STRN4: variants seen among roughly 807,000 people sequenced by gnomAD.
The protein encoded by STRN4 is striatin 4, also known as striatin-4.
A neutral mutation model predicts 77.9 loss-of-function variants in STRN4; 27 were observed. The observed-to-expected ratio is 0.35, with a 90% CI of 0.26 to 0.48. STRN4 has a LOEUF of 0.48. STRN4 is among the 20% of genes least tolerant of loss of function. STRN4 has a pLI of 0.99. For synonymous variants in STRN4, 466 were observed against 443.1 expected (o/e 1.05, Z -0.65); for missense variants, 798 against 1,049.7 (o/e 0.76, Z 3.31).
intron 17 of STRN4, 39 bp downstream of exon 17, chr19:46,720,497 G>T: frequency 7.5e-7 from 1 of 1,328,736 alleles, no homozygotes; most frequent in Non-Finnish European, 9.9e-7. Context: ...ACTAGGCATG[G>T]GCGTGCAGAG....
chr19:46,744,597 C>G (rs767072637), intron 1 of STRN4, among the ~76,000 whole-genome samples: 2 of 152,092 alleles, frequency 1.3e-5, no homozygotes, highest in Non-Finnish European at 2.9e-5. Context: ...GTTGGCCAGG[C>G]TGGCCTCGAA....
intron 1 of STRN4, among the ~76,000 whole-genome samples, chr19:46,744,649 T>G (rs1393949075): frequency 6.6e-6 from 1 of 152,034 alleles, no homozygotes; most frequent in East Asian, 1.9e-4. Context: ...CCTCCCCAAG[T>G]GTTGGGATTA....
intron 4 of STRN4, 63 bp downstream of exon 4, chr19:46,736,760 T>C: frequency 6.5e-7 from 1 of 1,533,218 alleles, no homozygotes; most frequent in Non-Finnish European, 9.0e-7. Flanking sequence ...GTGGAGTCTT[T>C]GGACTTATCT....
At position 46,738,884 on chromosome 19, in the gene STRN4, T is replaced by C. The variant is rs762195413; in HGVS notation, c.287A>G (p.Gln96Arg). Residue 96 changes from glutamine (Q) to arginine (R), a missense_variant, in exon 2 of 18, where the codon CAG becomes CGG. By Grantham distance (43) the Gln-to-Arg change is conservative. Transcript: ENST00000263280. This position sits in a 1 kb window ranked among gnomAD's most constrained non-coding sequence, Gnocchi z 4.5. ...WEAERAELQA[Q>R]VAFLQGERKG... ...CCTCTCTCCCTGAAGGAAGGCCACC[T>C]GAGCCTGGGAGGGCAGACAGGAGGC... 8 of 1,613,778 alleles carry C rather than the reference T, an allele frequency of 5.0e-6. No homozygotes were observed. Among genetic ancestry groups the C allele is most frequent in the Admixed American group, 3.3e-5 (2 of 60,006 alleles).
chr19:46,722,907 A>G lies in STRN4; in HGVS notation c.1809T>C (p.Pro603=), dbSNP rs778795242. 5 of 1,613,894 alleles carry G rather than the reference A, an allele frequency of 3.1e-6. No individual in the cohort carries two copies. Among genetic ancestry groups the G allele is most frequent in the Admixed American group, 3.3e-5 (2 of 60,014 alleles). Reference sequence around the variant, plus strand: ...AGCGGAAGGAGGCCACGATGTGGGCAGGCTCGGTGCTGGTGAAGGCCACTG... The same window carrying G: ...AGCGGAAGGAGGCCACGATGTGGGCGGGCTCGGTGCTGGTGAAGGCCACTG... ...PTSVAFTSTE[P]AHIVASFRSG... Residue 603 remains proline (P), a synonymous_variant, in exon 14 of 18, where the codon CCT becomes CCC. Coordinates refer to ENST00000263280, the MANE Select transcript of STRN4 (RefSeq NM_013403.3).
chr19:46,737,522 T>C (rs992413875), intron 3 of STRN4, among the ~76,000 whole-genome samples: 1 of 152,074 alleles, frequency 6.6e-6, no homozygotes, highest in Middle Eastern at 3.4e-3. Context: ...TCGGCCAAGC[T>C]TCCCCCTCAC....
At chr19:46,735,529 G>A (rs1329881345) in intron 4 of STRN4, among the ~76,000 whole-genome samples, 8 of 152,038 alleles carry the variant, frequency 5.3e-5, no homozygotes, top group Admixed American at 3.9e-4. Flanking sequence ...CACAGCCACG[G>A]AAGAAACTGA....
Position 46,730,787 on chromosome 19 carries a change from T to C in STRN4, c.824A>G (p.Asp275Gly). Reference protein sequence around the residue: ...IPFLQNCEDEDSDEDDELDSV... With the variant: ...IPFLQNCEDEGSDEDDELDSV... Reference sequence around the variant, plus strand: ...GTCCAGCTCATCGTCCTCGTCGCTGTCTTCGTCCTCGCAGTTCTGCAGGAA... The same window carrying C: ...GTCCAGCTCATCGTCCTCGTCGCTGCCTTCGTCCTCGCAGTTCTGCAGGAA... Residue 275 changes from aspartate (D) to glycine (G), a missense_variant, in exon 6 of 18, where the codon GAC (aspartate) becomes GGC (glycine). Physicochemically the swap from Asp to Gly is moderately conservative, Grantham distance 94. Coordinates refer to ENST00000263280, the MANE Select transcript of STRN4 (RefSeq NM_013403.3). The C allele has an allele frequency of 6.2e-7, 1 of 1,613,048 alleles. No individual in the cohort carries two copies. Among genetic ancestry groups the C allele is most frequent in the Non-Finnish European group, 8.5e-7 (1 of 1,180,010 alleles).
chr19:46,746,035 C>T, intron 1 of STRN4, 114 bp downstream of exon 1: 1 of 1,223,180 alleles, frequency 8.2e-7, no homozygotes, highest in Non-Finnish European at 1.0e-6. Flanking sequence ...CCTCCCGCCC[C>T]CCCGCCGGCC....
chr19:46,736,608 G>A (rs1389354624), intron 4 of STRN4, among the ~76,000 whole-genome samples: 3 of 148,992 alleles, frequency 2.0e-5, no homozygotes, highest in African/African-American at 2.5e-5. Flanking sequence ...ATTCCAACAG[G>A]GGTGTCCCCA....
intron 8 of STRN4, 122 bp downstream of exon 8, chr19:46,727,772 G>A (rs2054154169): frequency 3.2e-6 from 3 of 932,932 alleles, no homozygotes; most frequent in South Asian, 3.4e-5. Context: ...TTTTGGGGCA[G>A]GGAGGCTGCA....
At position 46,720,377 on chromosome 19, in the gene STRN4, C is replaced by G. The variant is rs1599852518; in HGVS notation, c.*67-39G>C. The stretch of plus-strand genomic sequence containing the variant: ...AAGGGAGGGGAGACTGAGCCGCCGC[C>G]TCTAGGGCGCCTCTAAGGCCTCAAC... On this transcript the variant is annotated intron_variant, in intron 17 of 17. Transcript: ENST00000263280. 2.2e-5 allele frequency: 10 copies of G among 450,790 alleles called. No individual in the cohort carries two copies. In the East Asian group the frequency reaches 3.6e-4, roughly 16 times the overall value. 27.9% of individuals were successfully genotyped at this position (450,790 alleles called of 1,614,324 possible). A position where few individuals can be genotyped will look rare whatever the true frequency, so the allele number is the denominator to read the frequency against.
intron 5 of STRN4, 107 bp from the exon 6 acceptor site, chr19:46,730,980 C>T: frequency 7.4e-6 from 11 of 1,488,110 alleles, no homozygotes; most frequent in Non-Finnish European, 1.0e-5. Flanking sequence ...ACCCAGCTAA[C>T]CCCCTAACCC....
chr19:46,746,017 C>A (rs1403861036), intron 1 of STRN4, 132 bp downstream of exon 1: 2 of 1,160,374 alleles, frequency 1.7e-6, no homozygotes, highest in East Asian at 6.9e-5. Context: ...CCGGGACCGT[C>A]GCGGTCCCCT....
chr19:46,732,773 G>A (rs76227775), intron 5 of STRN4: 19,489 of 450,838 alleles, frequency 0.043, 570 homozygotes, highest in Non-Finnish European at 0.058. Context: ...CACCCCACTC[G>A]ACCGAGAAGC....
chr19:46,732,780 A>T, intron 5 of STRN4: 1 of 468,610 alleles, frequency 2.1e-6, no homozygotes, highest in Non-Finnish European at 3.8e-6. Context: ...CTCGACCGAG[A>T]AGCGGGCAGG....
At chr19:46,742,513 G>A (rs2054491996) in intron 1 of STRN4, among the ~76,000 whole-genome samples, 1 of 152,108 alleles carries the variant, frequency 6.6e-6, no homozygotes, top group Admixed American at 6.6e-5. Flanking sequence ...GCCGCTGATG[G>A]GAGAGTAAAC....
chr19:46,730,665 G>C, intron 6 of STRN4, 67 bp downstream of exon 6: 2 of 1,583,388 alleles, frequency 1.3e-6, no homozygotes, highest in Middle Eastern at 2.3e-4. Context: ...GGCCCAGGCT[G>C]ACTCGGAAGG....
At chr19:46,737,680 G>C (rs2054395623) in intron 3 of STRN4, among the ~76,000 whole-genome samples, 1 of 152,100 alleles carries the variant, frequency 6.6e-6, no homozygotes, top group Admixed American at 6.5e-5. Flanking sequence ...ATCTTTCAAG[G>C]AGCTTAGACT....
Sources: gnomAD v4.1 joint callset for allele counts (sites outside exome capture counted in the v4.1 genomes callset) on GRCh38, gnomAD v4.1.1 for gene constraint, Gnocchi (gnomAD v3.1) non-coding constraint, MANE v1.5 for transcripts, NCBI Gene and HGNC (gene_info 2026-07-23, HGNC 2026-07-21) for gene names.